The following GALNT13 variants were observed in gnomAD, a reference collection of about 807,000 sequenced individuals.
GALNT13 encodes the protein polypeptide N-acetylgalactosaminyltransferase 13, also known as UDP-GalNAc:polypeptide N-acetylgalactosaminyltransferase 13.
GALNT13 carries 28 observed loss-of-function variants against 64.2 expected under a neutral mutation model. The ratio of observed to expected loss-of-function variants is 0.44; its 90% CI spans 0.32 to 0.60. The LOEUF (loss-of-function observed/expected upper bound fraction) is 0.60, where lower values mean the gene tolerates loss of function less well. Among genes scored for constraint, GALNT13 ranks in the 20% least tolerant of loss-of-function variants. The pLI, the probability that GALNT13 is intolerant of heterozygous loss-of-function variation, is 0.05. For missense variants in GALNT13, 577 were observed against 669.8 expected, an observed-to-expected ratio of 0.86 and a Z score of 1.53; for synonymous variants, 214 against 224.6, an observed-to-expected ratio of 0.95 and a Z score of 0.42.
At chr2:153,591,374 C>T in the GALNT13 span, among the ~76,000 whole-genome samples, 2 of 151,988 alleles carry the variant, frequency 1.3e-5, no homozygotes, top group African/African-American at 4.8e-5. Context: ...ATGACCATAA[C>T]ATCCAAAGTA....
chr2:154,385,138 A>C (rs1480537275), intron 9 of GALNT13, among the ~76,000 whole-genome samples: 30 of 152,010 alleles, frequency 2.0e-4, no homozygotes, highest in Admixed American at 2.0e-3. Flanking sequence ...CTGAAGAAAC[A>C]GTTATATCTA....
the GALNT13 span, among the ~76,000 whole-genome samples, chr2:153,657,243 C>A: frequency 6.6e-6 from 1 of 151,668 alleles, no homozygotes; most frequent in Non-Finnish European, 1.5e-5. Context: ...GAATGGGGGA[C>A]GTTATTTACA....
the GALNT13 span, among the ~76,000 whole-genome samples, chr2:153,536,504 A>C: frequency 6.6e-6 from 1 of 152,074 alleles, no homozygotes; most frequent in African/African-American, 2.4e-5. Flanking sequence ...TGTTAAGATG[A>C]AGTGATGACT....
At chr2:153,323,758 T>A in the GALNT13 span, among the ~76,000 whole-genome samples, 1 of 152,200 alleles carries the variant, frequency 6.6e-6, no homozygotes, top group Non-Finnish European at 1.5e-5. Context: ...CCTTTCCCCA[T>A]TGCTTGTTTT....
At chr2:154,143,829 C>A (rs532290613) in intron 4 of GALNT13, among the ~76,000 whole-genome samples, 1 of 140,368 alleles carries the variant, frequency 7.1e-6, no homozygotes, top group Non-Finnish European at 1.5e-5. Flanking sequence ...CCACTGCACT[C>A]CAGCCTGGGT....
intron 4 of GALNT13, among the ~76,000 whole-genome samples, chr2:154,153,873 C>T (rs946438117): frequency 6.6e-6 from 1 of 152,238 alleles, no homozygotes; most frequent in African/African-American, 2.4e-5. Flanking sequence ...TCCCTGACCC[C>T]TTGCGCTTCC....
chr2:153,887,984 T>C (rs1687303054), intron 1 of GALNT13, among the ~76,000 whole-genome samples: 1 of 152,072 alleles, frequency 6.6e-6, no homozygotes, highest in African/African-American at 2.4e-5. Context: ...TTATACATGC[T>C]TATTTGGAGA....
At chr2:154,049,498 T>G (rs1699467718) in intron 3 of GALNT13, among the ~76,000 whole-genome samples, 2 of 138,638 alleles carry the variant, frequency 1.4e-5, no homozygotes, top group Admixed American at 1.5e-4. Flanking sequence ...GAAATATATA[T>G]AAATATATTT....
chr2:154,165,560 TTTA>T (rs1684978725), intron 4 of GALNT13, among the ~76,000 whole-genome samples: 1 of 152,216 alleles, frequency 6.6e-6, no homozygotes, highest in Admixed American at 6.5e-5. Flanking sequence ...TTATTAACAT[TTTA>T]TTATTTGTGT....
At chr2:153,803,418 C>T in the GALNT13 span, among the ~76,000 whole-genome samples, 1 of 152,058 alleles carries the variant, frequency 6.6e-6, no homozygotes, top group Non-Finnish European at 1.5e-5. Context: ...ACAGGTCTGG[C>T]GCGGTGTCTT....
chr2:154,253,668 A>G (rs2105892501), intron 7 of GALNT13, among the ~76,000 whole-genome samples: 1 of 152,212 alleles, frequency 6.6e-6, no homozygotes, highest in African/African-American at 2.4e-5. Flanking sequence ...CAACCCCTAA[A>G]ACTCCTATTA....
intron 4 of GALNT13, among the ~76,000 whole-genome samples, chr2:154,197,527 C>T (rs900680048): frequency 6.6e-6 from 1 of 151,906 alleles, no homozygotes; most frequent in African/African-American, 2.4e-5. Flanking sequence ...TACACATAGT[C>T]AATTCCAGAT....
At chr2:154,147,780 C>G (rs184548407) in intron 4 of GALNT13, among the ~76,000 whole-genome samples, 16 of 151,848 alleles carry the variant, frequency 1.1e-4, no homozygotes, top group African/African-American at 3.6e-4. Context: ...ACCTGGTAAT[C>G]ATATTTTTAC....
chr2:154,332,163 T>C (rs1695201402), intron 9 of GALNT13, among the ~76,000 whole-genome samples: 2 of 152,054 alleles, frequency 1.3e-5, no homozygotes, highest in Non-Finnish European at 1.5e-5. Flanking sequence ...GTCTTTTATC[T>C]CAAAAAAGTA....
At chr2:153,096,250 T>C in the GALNT13 span, among the ~76,000 whole-genome samples, 2 of 152,082 alleles carry the variant, frequency 1.3e-5, no homozygotes, top group African/African-American at 4.8e-5. Flanking sequence ...GTTTGTTTTT[T>C]TTTGGAATGT....
At chr2:153,537,939 T>C in the GALNT13 span, among the ~76,000 whole-genome samples, 2 of 152,172 alleles carry the variant, frequency 1.3e-5, no homozygotes, top group Non-Finnish European at 2.9e-5. Flanking sequence ...AATGGACTAA[T>C]ATACTACATT....
chr2:154,322,991 C>G (rs78130158), intron 9 of GALNT13, among the ~76,000 whole-genome samples: 6,486 of 151,974 alleles, frequency 0.043, 198 homozygotes, highest in Middle Eastern at 0.068. Flanking sequence ...TCGGGGTACT[C>G]AGATAACTTT....
the GALNT13 span, among the ~76,000 whole-genome samples, chr2:153,366,563 A>G: frequency 8.5e-5 from 13 of 152,068 alleles, no homozygotes; most frequent in African/African-American, 3.1e-4. Context: ...TACATTTGTA[A>G]TGGGTATCCC....
intron 3 of GALNT13, among the ~76,000 whole-genome samples, chr2:154,093,281 A>G (rs1051370592): frequency 4.6e-5 from 7 of 152,196 alleles, no homozygotes; most frequent in Middle Eastern, 3.4e-3. Flanking sequence ...TGTAATATCT[A>G]TAACTAGAAT....
Sources: allele counts gnomAD v4.1 joint callset (sites outside exome capture counted in the v4.1 genomes callset), GRCh38; gene constraint gnomAD v4.1.1; transcripts MANE v1.5; gene names NCBI Gene and HGNC (gene_info 2026-07-23, HGNC 2026-07-21).